TTC22: variants seen among roughly 807,000 people sequenced by gnomAD.
TTC22 encodes tetratricopeptide repeat domain 22.
Under a neutral mutation model 48.2 loss-of-function variants are expected in TTC22, and 42 were observed. The observed-to-expected ratio is 0.87, with a 90% CI of 0.68 to 1.13. The LOEUF is 1.13. Among genes scored for constraint, TTC22 ranks in the 50% most tolerant of loss-of-function variants. The probability of loss-of-function intolerance (pLI) is 0.00; values close to 1 mark genes in which losing one functional copy is unlikely to be tolerated. For synonymous variants in TTC22, 345 were observed against 365.5 expected, an observed-to-expected ratio of 0.94 and a Z score of 0.64; for missense variants, 784 against 807.0, an observed-to-expected ratio of 0.97 and a Z score of 0.34.
At chr1:54,791,365 C>G (rs1420523309) in intron 1 of TTC22, among the ~76,000 whole-genome samples, 2 of 152,176 alleles carry the variant, frequency 1.3e-5, no homozygotes, top group African/African-American at 2.4e-5. Flanking sequence ...CCTGGCAGGC[C>G]TGGCCATATG....
intron 1 of TTC22, among the ~76,000 whole-genome samples, chr1:54,798,858 C>G (rs1182978212): frequency 6.6e-6 from 1 of 152,178 alleles, no homozygotes; most frequent in East Asian, 1.9e-4. Flanking sequence ...GTTTATGAAG[C>G]AGGAACTCAG....
Position 54,788,049 on chromosome 1 carries a change from A to G in TTC22, c.616T>C (p.Tyr206His). The G allele has an allele frequency of 6.2e-7, 1 of 1,613,774 alleles. No individual in the cohort carries two copies. The highest frequency in any genetic ancestry group is 8.5e-7 in the Non-Finnish European group (1 of 1,179,868). Residue 206 changes from tyrosine to histidine, a missense_variant, in exon 2 of 7, where the codon TAC becomes CAC. Transcript: ENST00000371276. ...RGWYFTMATLYIRLDGIFLEL... is the reference protein window; with the variant it reads ...RGWYFTMATLHIRLDGIFLEL... ...ACCACCCTCTTGCCTGACCTGATGT[A>G]GAGTGTTGCCATGGTGAAATACCAG...
chr1:54,792,815 C>G (rs1646362798), intron 1 of TTC22: 1 of 152,198 alleles, frequency 6.6e-6, no homozygotes, highest in South Asian at 2.1e-4. Context: ...TAGGGGCAAC[C>G]TGGCAAGCCA....
chr1:54,782,887 G>C (rs1646273468), intron 5 of TTC22, among the ~76,000 whole-genome samples: 1 of 152,214 alleles, frequency 6.6e-6, no homozygotes, highest in African/African-American at 2.4e-5. Flanking sequence ...TCTATTTCAA[G>C]TGGTAAGTGC....
chr1:54,790,215 G>A lies in TTC22; in HGVS notation c.568-2118C>T, dbSNP rs75627489. On this transcript the variant is annotated intron_variant, in intron 1 of 6. Transcript: ENST00000371276. ...CAACATAATGAGACCCTGTCTACTC[G>A]AAAATCAAAATCAAAATAGCCAGGC... is the stretch of plus-strand genomic sequence containing the variant. Among the ~76,000 whole-genome samples the A allele has an allele frequency of 9.0e-3, 1,366 of 152,286 alleles. 8 individuals are homozygous for A. Among genetic ancestry groups the A allele is most frequent in the Non-Finnish European group, 0.014 (921 of 68,026 alleles).
chr1:54,784,141 C>A (rs1002495323), intron 5 of TTC22, among the ~76,000 whole-genome samples: 1 of 152,324 alleles, frequency 6.6e-6, no homozygotes, highest in Middle Eastern at 3.4e-3. Context: ...GCATTCCAGG[C>A]AGAGGCCCAG....
At chr1:54,790,761 GGCTGCTGCTGCTGCTGCT>G (rs3065099) in intron 1 of TTC22, among the ~76,000 whole-genome samples, 1 of 151,500 alleles carries the variant, frequency 6.6e-6, no homozygotes, top group Non-Finnish European at 1.5e-5. Flanking sequence ...CAGGCTTCCT[GGCTGCTGCTGCTGCTGCT>G]GCTGCTGCTG....
At position 54,787,039 on chromosome 1, in the gene TTC22, C is replaced by T. The variant is rs370158426; in HGVS notation, c.776G>A (p.Arg259Gln). The change falls in exon 4 of 7, where the codon CGG becomes CAG. Residue 259 changes from arginine (R) to glutamine (Q), a missense_variant. Coordinates refer to ENST00000371276, the MANE Select transcript of TTC22 (RefSeq NM_001114108.2). ...GGGGGTGGTGGAGAAGGTGTCCTTC[C>T]GCTCCAGCAGCATCCCGAGGTAGCA... ...AWCYLGMLLE[R>Q]KDTFSTTPMG... The T allele has an allele frequency of 8.3e-5, 129 of 1,548,838 alleles. No homozygotes were observed. The highest frequency in any genetic ancestry group is 2.8e-4 in the Admixed American group (14 of 50,186).
rs144499726 is a variant in TTC22, at chr1:54,786,026, C to T, written c.977G>A (p.Arg326Gln). The change falls in exon 5 of 7, where the codon CGA becomes CAA. Residue 326 changes from arginine (R) to glutamine (Q), a missense_variant. Transcript: ENST00000371276. ...CGCCTGCCAGTTGAGTTCTGGATCT[C>T]GTAGGACATCCAGGGCCATGTTGCA... ...GTCNMALDVLRDPELNWQAYC... is the reference protein window; with the variant it reads ...GTCNMALDVLQDPELNWQAYC... 2.0e-4 allele frequency: 322 copies of T among 1,614,090 alleles called. No individual in the cohort carries two copies. Among genetic ancestry groups the T allele is most frequent in the Admixed American group, 2.8e-4 (17 of 60,024 alleles).
At chr1:54,787,877 G>C (rs1174563659) in intron 2 of TTC22, 51 bp from the exon 3 acceptor site, 1 of 1,535,908 alleles carries the variant, frequency 6.5e-7, no homozygotes, top group Non-Finnish European at 8.9e-7. Flanking sequence ...CGGCTGTCCT[G>C]TGTGCTGCCA....
intron 5 of TTC22, among the ~76,000 whole-genome samples, 178 bp downstream of exon 5, chr1:54,785,805 C>T (rs1171288511): frequency 6.6e-6 from 1 of 152,222 alleles, no homozygotes; most frequent in Non-Finnish European, 1.5e-5. Context: ...GAGCGAGACA[C>T]TGTCTCAAAA....
chr1:54,797,192 G>C (rs1217203907), intron 1 of TTC22, among the ~76,000 whole-genome samples: 1 of 152,200 alleles, frequency 6.6e-6, no homozygotes, highest in African/African-American at 2.4e-5. Context: ...TAACTCCAAA[G>C]CTTATGCTCT....
chr1:54,781,120 A>G lies in TTC22; in HGVS notation c.*123T>C. On this transcript the variant is annotated 3_prime_UTR_variant, in exon 7 of 7. Transcript: ENST00000371276. ...ACATCCCCATTCACAATTCCCGACC[A>G]AGAATCGAACTGGCTCCGCTCCCAG... 1.5e-6 allele frequency: 1 copy of G among 675,214 alleles called. No individual in the cohort carries two copies. 41.8% of individuals were successfully genotyped at this position (675,214 alleles called of 1,614,324 possible).
In TTC22 at chr1:54,781,423, C is replaced by T; in HGVS notation, c.1530G>A (p.Ala510=). The T allele has an allele frequency of 7.1e-7, 1 of 1,411,906 alleles. No homozygotes were observed. Among genetic ancestry groups the T allele is most frequent in the South Asian group, 1.5e-5 (1 of 66,894 alleles). The allele number at this position is 1,411,906 out of a possible 1,614,324, so 87.5% of individuals were successfully genotyped here. A position where few individuals can be genotyped will look rare whatever the true frequency, so the allele number is the denominator to read the frequency against. ...GCTGCAGCTCCTGGCGCAGGCGCGC[C>T]GCGGGGTACTTGTCCTGGGCGCGGC... ...WLRRAQDKYP[A]ARLRQELQRV... is the part of the protein sequence containing the mutation. Residue 510 remains alanine (A), a synonymous_variant, in exon 7 of 7, where the codon GCG becomes GCA. Transcript: ENST00000371276.
intron 1 of TTC22, 100 bp from the exon 2 acceptor site, chr1:54,788,197 A>G: frequency 8.6e-7 from 1 of 1,164,788 alleles, no homozygotes; most frequent in Non-Finnish European, 1.3e-6. Context: ...CAGCAGGCAC[A>G]AGTGGGAAGG....
chr1:54,787,673 G>GA lies in TTC22; in HGVS notation c.739+37_739+38insT, dbSNP rs773444170. On this transcript the variant is annotated intron_variant, in intron 3 of 6. Transcript: ENST00000371276. ...AATGCCAGCGGGCTGTTGGCAGGGG[G>GA]CAGAGGCTGCTGTCCCACCCATCCC... 1.4e-4 allele frequency: 217 copies of GA among 1,499,972 alleles called. 1 individual carries two copies. The highest frequency in any genetic ancestry group is 1.9e-4 in the Non-Finnish European group (207 of 1,085,414). 92.9% of individuals were successfully genotyped at this position (1,499,972 alleles called of 1,614,324 possible). A position where few individuals can be genotyped will look rare whatever the true frequency, so the allele number is the denominator to read the frequency against.
Position 54,800,674 on chromosome 1 carries a change from C to T in TTC22, c.490G>A (p.Ala164Thr), listed in dbSNP as rs757913871. ...CCCCGCGCACGCTCCTCTGGGCTGG[C>T]GCAGCCGACGTCGAAGCCATGCGCG... ...GYAHGFDVGC[A>T]SPEERARGLA... is the part of the protein sequence containing the mutation. Residue 164 changes from alanine to threonine, a missense_variant, in exon 1 of 7, where the codon GCC (alanine) becomes ACC (threonine). Ala to Thr is a moderately conservative substitution (Grantham distance 58). Transcript: ENST00000371276. The T allele has an allele frequency of 5.8e-6, 9 of 1,550,656 alleles. No homozygotes were observed. The highest frequency in any genetic ancestry group is 1.4e-5 in the African/African-American group (1 of 72,144).
At position 54,781,134 on chromosome 1, in the gene TTC22, C is replaced by T; in HGVS notation, c.*109G>A. 1.3e-6 allele frequency: 1 copy of T among 785,414 alleles called. No homozygotes were observed. Among genetic ancestry groups the T allele is most frequent in the Non-Finnish European group, 1.8e-6 (1 of 559,724 alleles). The allele number at this position is 785,414 out of a possible 1,614,324, so 48.7% of individuals were successfully genotyped here. On this transcript the variant is annotated 3_prime_UTR_variant, in exon 7 of 7. Coordinates refer to ENST00000371276, the MANE Select transcript of TTC22 (RefSeq NM_001114108.2). ...AATTCCCGACCAAGAATCGAACTGGCTCCGCTCCCAGGTCAGCCTAAGGCA... is the reference window on the plus strand; with the variant it reads ...AATTCCCGACCAAGAATCGAACTGGTTCCGCTCCCAGGTCAGCCTAAGGCA...
chr1:54,799,403 G>A (rs377249037), intron 1 of TTC22, among the ~76,000 whole-genome samples: 9 of 152,148 alleles, frequency 5.9e-5, no homozygotes, highest in African/African-American at 2.2e-4. Flanking sequence ...CCTAAGAGCA[G>A]GAAAGTGCCT....
Sources: gnomAD v4.1 joint callset for allele counts (sites outside exome capture counted in the v4.1 genomes callset) on GRCh38, gnomAD v4.1.1 for gene constraint, MANE v1.5 for transcripts, NCBI Gene and HGNC (gene_info 2026-07-23, HGNC 2026-07-21) for gene names.